Variants in SFTPA1 observed in about 807,000 individuals in gnomAD.
SFTPA1 encodes surfactant protein A1.
In SFTPA1, 13 loss-of-function variants were observed where a neutral mutation model predicts 19.1. That is an observed-to-expected ratio of 0.68 (90% CI 0.44 to 1.08). The LOEUF (loss-of-function observed/expected upper bound fraction) is 1.08, where lower values mean the gene tolerates loss of function less well. SFTPA1 is among the 50% of genes least tolerant of loss of function. The probability of loss-of-function intolerance (pLI) is 0.00; values close to 1 mark genes in which losing one functional copy is unlikely to be tolerated. For synonymous variants in SFTPA1, 101 were observed against 117.0 expected (o/e 0.86, Z 0.88); for missense variants, 259 against 316.4 (o/e 0.82, Z 1.38).
At chr10:79,612,522 T>C (rs1252202944) in intron 4 of SFTPA1, 91 bp downstream of exon 4, 1 of 1,580,296 alleles carries the variant, frequency 6.3e-7, no homozygotes, top group Non-Finnish European at 8.6e-7. Context: ...AGACAAACCC[T>C]ACAGGTTCCC....
intron 4 of SFTPA1, 88 bp downstream of exon 4, chr10:79,612,519 C>T (rs1859919896): frequency 1.3e-6 from 2 of 1,584,902 alleles, no homozygotes; most frequent in African/African-American, 1.3e-5. Flanking sequence ...ATCAGACAAA[C>T]CCTACAGGTT....
Position 79,614,909 on chromosome 10 carries a change from A to T in SFTPA1, c.*796A>T. The stretch of plus-strand genomic sequence containing the variant: ...GGGCATTCACACCACCCCCCACACC[A>T]CTGGCTCTGCTTTCTCCTTTCATTA... On this transcript the variant is annotated 3_prime_UTR_variant, in exon 6 of 6. Transcript: ENST00000398636. 3 of 1,104,838 alleles carry T rather than the reference A, an allele frequency of 2.7e-6. No homozygotes were observed. The highest frequency in any genetic ancestry group is 2.5e-5 in the Admixed American group (1 of 39,334). The allele number at this position is 1,104,838 out of a possible 1,614,324, so 68.4% of individuals were successfully genotyped here. A position where few individuals can be genotyped will look rare whatever the true frequency, so the allele number is the denominator to read the frequency against.
chr10:79,611,088 G>A (rs889009636), intron 1 of SFTPA1, 106 bp downstream of exon 1: 2 of 155,404 alleles, frequency 1.3e-5, no homozygotes, highest in African/African-American at 4.8e-5. Flanking sequence ...TGGGAAGGAG[G>A]GCAACTCCCC....
At chr10:79,612,709 C>G (rs1256888341) in intron 4 of SFTPA1, among the ~76,000 whole-genome samples, 1 of 151,992 alleles carries the variant, frequency 6.6e-6, no homozygotes. Flanking sequence ...CACTGGGAGG[C>G]AGGGGAGGCA....
chr10:79,614,730 A>G lies in SFTPA1; in HGVS notation c.*617A>G, dbSNP rs558891637. ...CAAGCCAACCCCATGATTGATGTGT[A>G]CGATTCACTCCTTTGAGTCTTTGAA... is the stretch of plus-strand genomic sequence containing the variant. On this transcript the variant is annotated 3_prime_UTR_variant, in exon 6 of 6. Transcript: ENST00000398636. 55 of 334,500 alleles carry G rather than the reference A, an allele frequency of 1.6e-4. No individual in the cohort carries two copies. The highest frequency in any genetic ancestry group is 1.1e-3 in the African/African-American group (51 of 46,378). 20.7% of individuals were successfully genotyped at this position (334,500 alleles called of 1,614,324 possible).
intron 3 of SFTPA1, 87 bp from the exon 4 acceptor site, chr10:79,612,225 C>G: frequency 6.2e-7 from 1 of 1,611,732 alleles, no homozygotes; most frequent in Non-Finnish European, 8.5e-7. Context: ...GCTGAGCCAG[C>G]CCTGGTGATA....
In SFTPA1 at chr10:79,613,176, G is replaced by T; in HGVS notation, c.293-13G>T. 1 of 1,613,910 alleles carries T rather than the reference G, an allele frequency of 6.2e-7. No individual in the cohort carries two copies. Among genetic ancestry groups the T allele is most frequent in the Non-Finnish European group, 8.5e-7 (1 of 1,179,948 alleles). On this transcript the variant is annotated splice_polypyrimidine_tract_variant and intron_variant, in intron 4 of 5. Transcript: ENST00000398636. ...TGGCCTGCCCCTCCTTCTGTGTGGG[G>T]CACTCTCCACAGGGCTTCCAGCTCA...
At position 79,614,731 on chromosome 10, in the gene SFTPA1, C is replaced by T. The variant is rs761303264; in HGVS notation, c.*618C>T. 35 of 331,570 alleles carry T rather than the reference C, an allele frequency of 1.1e-4. No homozygotes were observed. Among genetic ancestry groups the T allele is most frequent in the Non-Finnish European group, 1.6e-4 (26 of 162,566 alleles). The allele number at this position is 331,570 out of a possible 1,614,324, so 20.5% of individuals were successfully genotyped here. A position where few individuals can be genotyped will look rare whatever the true frequency, so the allele number is the denominator to read the frequency against. ...AAGCCAACCCCATGATTGATGTGTA[C>T]GATTCACTCCTTTGAGTCTTTGAAT... On this transcript the variant is annotated 3_prime_UTR_variant, in exon 6 of 6. Transcript: ENST00000398636.
chr10:79,614,248 C>G lies in SFTPA1; in HGVS notation c.*135C>G, dbSNP rs1589241700. 3 of 1,417,892 alleles carry G rather than the reference C, an allele frequency of 2.1e-6. No individual in the cohort carries two copies. Among genetic ancestry groups the G allele is most frequent in the Non-Finnish European group, 2.9e-6 (3 of 1,031,068 alleles). 87.8% of individuals were successfully genotyped at this position (1,417,892 alleles called of 1,614,324 possible). ...TGTGGCTATTGGGACTGGAGGCACCCTTAGCCACTTCATTCCTCTGATGGG... is the reference window on the plus strand; with the variant it reads ...TGTGGCTATTGGGACTGGAGGCACCGTTAGCCACTTCATTCCTCTGATGGG... On this transcript the variant is annotated 3_prime_UTR_variant, in exon 6 of 6. Coordinates refer to ENST00000398636, the MANE Select transcript of SFTPA1 (RefSeq NM_005411.5).
rs762177868 is a variant in SFTPA1 at position 79,612,350 on chromosome 10, G to A, written c.211G>A (p.Gly71Arg). The change falls in exon 4 of 6, where the codon GGA (glycine) becomes AGA (arginine). Residue 71 changes from glycine (G) to arginine (R), a missense_variant. Coordinates refer to ENST00000398636, the MANE Select transcript of SFTPA1 (RefSeq NM_005411.5). ...GPPGEMPCPP[G>R]NDGLPGAPGI... ...ACCTGGAGAAATGCCATGTCCTCCT[G>A]GAAATGATGGGCTGCCTGGAGCCCC... The A allele has an allele frequency of 4.3e-6, 7 of 1,613,974 alleles. No individual in the cohort carries two copies. The highest frequency in any genetic ancestry group is 1.7e-4 in the Middle Eastern group (1 of 6,058).
chr10:79,612,313 C>A lies in SFTPA1; in HGVS notation c.174C>A (p.Gly58=). Residue 58 remains glycine, a splice_region_variant and synonymous_variant, in exon 4 of 6, where the codon GGC becomes GGA. Transcript: ENST00000398636. ...DGLKGDPGPP[G]PMGPPGEMPC... ...CATCCATGTCTCTTTTCTCTGCAGG[C>A]CCCATGGGTCCACCTGGAGAAATGC... 6.2e-6 allele frequency: 10 copies of A among 1,613,912 alleles called. No individual in the cohort carries two copies. Among genetic ancestry groups the A allele is most frequent in the Non-Finnish European group, 8.5e-6 (10 of 1,179,878 alleles).
chr10:79,615,184 C>A lies in SFTPA1; in HGVS notation c.*1071C>A. The A allele has an allele frequency of 1.1e-6, 1 of 944,516 alleles. No individual in the cohort carries two copies. Among genetic ancestry groups the A allele is most frequent in the Non-Finnish European group, 1.5e-6 (1 of 683,562 alleles). The allele number at this position is 944,516 out of a possible 1,614,324, so 58.5% of individuals were successfully genotyped here. A position where few individuals can be genotyped will look rare whatever the true frequency, so the allele number is the denominator to read the frequency against. On this transcript the variant is annotated 3_prime_UTR_variant, in exon 6 of 6. Transcript: ENST00000398636. ...TGAGCACCTATCATTTGCCAAGAAC[C>A]TTGACAAGCACTTCTAATACAGCAT...
rs1260975872 is a variant in SFTPA1 at position 79,612,414 on chromosome 10, G to A, written c.275G>A (p.Gly92Asp). 6.2e-7 allele frequency: 1 copy of A among 1,613,720 alleles called. No individual in the cohort carries two copies. The highest frequency in any genetic ancestry group is 1.1e-5 in the South Asian group (1 of 91,056). Reference sequence around the variant, plus strand: ...GAGTGTGGAGAGAAGGGGGAGCCTGGCGAGAGGGGCCCTCCAGGTGAGCAG... The same window carrying A: ...GAGTGTGGAGAGAAGGGGGAGCCTGACGAGAGGGGCCCTCCAGGTGAGCAG... Reference protein sequence around the residue: ...PGECGEKGEPGERGPPGLPAH... With the variant: ...PGECGEKGEPDERGPPGLPAH... Residue 92 changes from glycine (G) to aspartate (D), a missense_variant, in exon 4 of 6, where the codon GGC (glycine) becomes GAC (aspartate). By Grantham distance (94) the Gly-to-Asp change is moderately conservative. Coordinates refer to ENST00000398636, the MANE Select transcript of SFTPA1 (RefSeq NM_005411.5).
rs560272216 is a variant in SFTPA1 at position 79,612,205 on chromosome 10, T to C, written c.173-107T>C. 1.7e-5 allele frequency: 27 copies of C among 1,607,864 alleles called. 1 individual carries two copies. The African/African-American group carries it at 2.0e-4, about 12-fold the overall frequency. ...TGTCCTCATAGTGCCCACGGAGTGATAGAGTGATAGCTGAGCCAGCCCTGG... is the reference window on the plus strand; with the variant it reads ...TGTCCTCATAGTGCCCACGGAGTGACAGAGTGATAGCTGAGCCAGCCCTGG... On this transcript the variant is annotated intron_variant, in intron 3 of 5. Transcript: ENST00000398636.
In SFTPA1 at chr10:79,614,252, G is replaced by T; in HGVS notation, c.*139G>T. The stretch of plus-strand genomic sequence containing the variant: ...GCTATTGGGACTGGAGGCACCCTTA[G>T]CCACTTCATTCCTCTGATGGGCCCT... On this transcript the variant is annotated 3_prime_UTR_variant, in exon 6 of 6. Coordinates refer to ENST00000398636, the MANE Select transcript of SFTPA1 (RefSeq NM_005411.5). The T allele has an allele frequency of 1.4e-6, 2 of 1,396,744 alleles. No individual in the cohort carries two copies. The highest frequency in any genetic ancestry group is 2.6e-5 in the South Asian group (2 of 76,974). The allele number at this position is 1,396,744 out of a possible 1,614,324, so 86.5% of individuals were successfully genotyped here. A position where few individuals can be genotyped will look rare whatever the true frequency, so the allele number is the denominator to read the frequency against.
chr10:79,615,252 A>G lies in SFTPA1; in HGVS notation c.*1139A>G. 2 of 391,694 alleles carry G rather than the reference A, an allele frequency of 5.1e-6. No homozygotes were observed. The highest frequency in any genetic ancestry group is 2.8e-5 in the South Asian group (1 of 36,194). The allele number at this position is 391,694 out of a possible 1,614,324, so 24.3% of individuals were successfully genotyped here. Reference sequence around the variant, plus strand: ...CTTTACACAATGTCACGGGACCAGTATTGTTTCCTCATTTTTTATAAGGAC... The same window carrying G: ...CTTTACACAATGTCACGGGACCAGTGTTGTTTCCTCATTTTTTATAAGGAC... On this transcript the variant is annotated 3_prime_UTR_variant, in exon 6 of 6. Transcript: ENST00000398636.
At chr10:79,612,764 G>A (rs4253516) in intron 4 of SFTPA1, among the ~76,000 whole-genome samples, 10,594 of 150,280 alleles carry the variant, frequency 0.07, 552 homozygotes, top group South Asian at 0.2. Context: ...GGGTGAATGC[G>A]GACGAGGCAT....
At chr10:79,613,510 G>T in intron 5 of SFTPA1, among the ~76,000 whole-genome samples, 1 of 152,164 alleles carries the variant, frequency 6.6e-6, no homozygotes, top group East Asian at 1.9e-4. Flanking sequence ...TGAATTCCAG[G>T]AAATTGCACC....
chr10:79,614,079 G>T lies in SFTPA1; in HGVS notation c.713G>T (p.Cys238Phe), dbSNP rs1429062403. 2 of 1,614,210 alleles carry T rather than the reference G, an allele frequency of 1.2e-6. No individual in the cohort carries two copies. The highest frequency in any genetic ancestry group is 1.1e-5 in the South Asian group (1 of 91,080). Residue 238 changes from cysteine to phenylalanine, a missense_variant, in exon 6 of 6, where the codon TGC becomes TTC. Transcript: ENST00000398636. ...GATGGGCAGTGGAATGACAGGAACT[G>T]CCTGTACTCCCGACTGACCATCTGT... ...YTDGQWNDRN[C>F]LYSRLTICEF
Sources: allele counts gnomAD v4.1 joint callset (sites outside exome capture counted in the v4.1 genomes callset), GRCh38; gene constraint gnomAD v4.1.1; transcripts MANE v1.5; gene names NCBI Gene and HGNC (gene_info 2026-07-23, HGNC 2026-07-21).